GEMIN5: variants seen among roughly 807,000 people sequenced by gnomAD.
GEMIN5 encodes the protein gem-associated protein 5.
Under a neutral mutation model 176.9 loss-of-function variants are expected in GEMIN5, and 124 were observed. The observed-to-expected ratio is 0.70, with a 90% CI of 0.61 to 0.81. The LOEUF (loss-of-function observed/expected upper bound fraction) is 0.81. GEMIN5 is among the 40% of genes least tolerant of loss of function. The probability of loss-of-function intolerance (pLI) is 0.00; values close to 1 mark genes in which losing one functional copy is unlikely to be tolerated. For missense variants in GEMIN5, 1,843 were observed against 1,814.6 expected (o/e 1.02, Z -0.28); for synonymous variants, 673 against 665.2 (o/e 1.01, Z -0.18).
intron 15 of GEMIN5, among the ~76,000 whole-genome samples, 159 bp downstream of exon 15, chr5:154,911,568 T>G (rs749415709): frequency 3.0e-4 from 45 of 152,158 alleles, no homozygotes; most frequent in East Asian, 5.8e-4. Flanking sequence ...GTGGGTGGTG[T>G]TGTTCTCAAG....
At position 154,928,536 on chromosome 5, in the gene GEMIN5, C is replaced by G; in HGVS notation, c.905G>C (p.Ser302Thr). 6.2e-7 allele frequency: 1 copy of G among 1,614,124 alleles called. No homozygotes were observed. Among genetic ancestry groups the G allele is most frequent in the South Asian group, 1.1e-5 (1 of 91,068 alleles). ...PSNQPTQLVS[S>T]CFGGELLQWD... The stretch of plus-strand genomic sequence containing the variant: ...ACCAAAAAAGACTTACCCAAAACAG[C>G]TAGATACCAGCTGTGTTGGTTGATT... Residue 302 changes from serine (S) to threonine (T), a missense_variant, in exon 6 of 28, where the codon AGC becomes ACC. Physicochemically the swap from Ser to Thr is moderately conservative, Grantham distance 58. Coordinates refer to ENST00000285873, the MANE Select transcript of GEMIN5 (RefSeq NM_015465.5).
intron 2 of GEMIN5, among the ~76,000 whole-genome samples, chr5:154,936,687 T>C (rs1764276335): frequency 6.6e-6 from 1 of 152,150 alleles, no homozygotes; most frequent in South Asian, 2.1e-4. Context: ...AACCAGAGGG[T>C]AATTGTTTTA....
Position 154,907,805 on chromosome 5 carries a change from A to G in GEMIN5, c.2181T>C (p.Ile727=). 6.2e-7 allele frequency: 1 copy of G among 1,612,868 alleles called. No individual in the cohort carries two copies. The highest frequency in any genetic ancestry group is 1.1e-5 in the South Asian group (1 of 90,958). ...HSRPPQGKKS[I]ELEKKRLSQP... ...GAGAGAGCCGTTTTTTCTCCAATTC[A>G]ATACTTTTTTTGCCTACAAGAATCA... The change falls in exon 16 of 28, where the codon ATT becomes ATC. Residue 727 remains isoleucine (I), a synonymous_variant. Transcript: ENST00000285873.
intron 10 of GEMIN5, 82 bp from the exon 11 acceptor site, chr5:154,920,185 A>AG: frequency 1.9e-6 from 2 of 1,038,814 alleles, no homozygotes; most frequent in Non-Finnish European, 2.8e-6. Flanking sequence ...ACCATACCAT[A>AG]CTACATAGTT....
At chr5:154,902,440 G>C in intron 20 of GEMIN5, 99 bp downstream of exon 20, 1 of 1,074,160 alleles carries the variant, frequency 9.3e-7, no homozygotes, top group East Asian at 2.4e-5. Context: ...ATTTGTAAGT[G>C]ATTTCAAGCT....
chr5:154,921,400 G>A lies in GEMIN5; in HGVS notation c.1405C>T (p.His469Tyr), dbSNP rs752083957. 4 of 1,483,356 alleles carry A rather than the reference G, an allele frequency of 2.7e-6. No homozygotes were observed. Among genetic ancestry groups the A allele is most frequent in the Non-Finnish European group, 3.7e-6 (4 of 1,081,766 alleles). The allele number at this position is 1,483,356 out of a possible 1,614,324, so 91.9% of individuals were successfully genotyped here. A position where few individuals can be genotyped will look rare whatever the true frequency, so the allele number is the denominator to read the frequency against. ...GCTAAAGTATATACAGTCTTCTTAT[G>A]ATATGTGCTAGAAATCTGTGGAGGC... ...NKPPQISSTY[H>Y]KKTVYTLAWG... is the part of the protein sequence containing the mutation. The change falls in exon 10 of 28, where the codon CAT (histidine) becomes TAT (tyrosine). Residue 469 changes from histidine (H) to tyrosine (Y), a missense_variant. His to Tyr is a moderately conservative substitution (Grantham distance 83). Transcript: ENST00000285873.
chr5:154,890,709 T>A (rs1321774082), intron 26 of GEMIN5, among the ~76,000 whole-genome samples: 5 of 152,168 alleles, frequency 3.3e-5, no homozygotes, highest in African/African-American at 9.7e-5. Flanking sequence ...CCTCAAGTGA[T>A]CCTCCTGCCT....
Position 154,923,017 on chromosome 5 carries a change from A to G in GEMIN5, c.1379+1452T>C, listed in dbSNP as rs538903318. ...GGCCTTAAAATAGTGTTCTTTTTTG[A>G]GAGTTAAAAAAGGAGAATAGTCAAC... On this transcript the variant is annotated intron_variant, in intron 9 of 27. Transcript: ENST00000285873. 6.6e-5 allele frequency among the ~76,000 whole-genome samples: 10 copies of G among 152,120 alleles called. No homozygotes were observed. In the South Asian group the frequency reaches 2.1e-3, roughly 32 times the overall value.
At chr5:154,930,949 A>C (rs1253247556) in intron 5 of GEMIN5, among the ~76,000 whole-genome samples, 1 of 152,238 alleles carries the variant, frequency 6.6e-6, no homozygotes, top group African/African-American at 2.4e-5. Context: ...CATTATGCCT[A>C]GAGTTTCTCT....
chr5:154,904,398 G>T, intron 18 of GEMIN5, 109 bp downstream of exon 18: 1 of 998,752 alleles, frequency 1.0e-6, no homozygotes, highest in Non-Finnish European at 1.5e-6. Context: ...TAAAAATACA[G>T]AAAACAATTT....
intron 3 of GEMIN5, among the ~76,000 whole-genome samples, chr5:154,933,484 CA>C (rs976130645): frequency 6.6e-6 from 1 of 151,948 alleles, no homozygotes; most frequent in South Asian, 2.1e-4. Context: ...TTTTTTACAA[CA>C]AAAAAATGCT....
At chr5:154,907,995 A>T (rs1394585246) in intron 15 of GEMIN5, among the ~76,000 whole-genome samples, 177 bp from the exon 16 acceptor site, 1 of 152,106 alleles carries the variant, frequency 6.6e-6, no homozygotes, top group Non-Finnish European at 1.5e-5. Flanking sequence ...TTGAAATTTC[A>T]TTAAATCATA....
At chr5:154,931,094 C>T (rs1347043752) in intron 5 of GEMIN5, among the ~76,000 whole-genome samples, 1 of 152,208 alleles carries the variant, frequency 6.6e-6, no homozygotes, top group African/African-American at 2.4e-5. Context: ...ATTTATTCTG[C>T]ATTTGTGCAT....
rs372628034 is a variant in GEMIN5, at chr5:154,906,164, T to A, written c.2396-688A>T. On this transcript the variant is annotated intron_variant, in intron 16 of 27. Transcript: ENST00000285873. ...AGGCACAAGCCATTATCTTGGTAAT[T>A]TTTATATTTTTTGCAAAGATGGGGG... Among the ~76,000 whole-genome samples the A allele has an allele frequency of 7.2e-5, 11 of 152,028 alleles. No individual in the cohort carries two copies. The South Asian group carries it at 2.3e-3, about 32-fold the overall frequency.
chr5:154,908,370 G>C (rs369689700), intron 15 of GEMIN5, among the ~76,000 whole-genome samples: 1 of 151,688 alleles, frequency 6.6e-6, no homozygotes, highest in Non-Finnish European at 1.5e-5. Context: ...CAGTAGAGAC[G>C]GGGTTTCACC....
chr5:154,894,191 C>T (rs748522675), intron 24 of GEMIN5, among the ~76,000 whole-genome samples: 8 of 152,126 alleles, frequency 5.3e-5, no homozygotes, highest in African/African-American at 1.2e-4. Context: ...GCGATCCACC[C>T]GCGTTGGCCT....
Position 154,891,055 on chromosome 5 carries a change from C to CTTT in GEMIN5, c.4262+183_4262+185dup, listed in dbSNP as rs548747613. Among the ~76,000 whole-genome samples, 343 of 93,938 alleles carry CTTT rather than the reference C, an allele frequency of 3.7e-3. 11 individuals are homozygous for CTTT. The highest frequency in any genetic ancestry group is 4.1e-3 in the African/African-American group (93 of 22,522). 61.6% of individuals were successfully genotyped at this position (93,938 alleles called of 152,430 possible). A position where few individuals can be genotyped will look rare whatever the true frequency, so the allele number is the denominator to read the frequency against. ...ACAAGCGTGATCCACTGTGCCCGGGCTTTTTTTTTTTTTTTTTTTTTGTAG... is the reference window on the plus strand; with the variant it reads ...ACAAGCGTGATCCACTGTGCCCGGGCTTTTTTTTTTTTTTTTTTTTTTTTGTAG... On this transcript the variant is annotated intron_variant, in intron 26 of 27. Coordinates refer to ENST00000285873, the MANE Select transcript of GEMIN5 (RefSeq NM_015465.5).
chr5:154,923,369 A>G (rs1411442624), intron 9 of GEMIN5, among the ~76,000 whole-genome samples: 1 of 152,074 alleles, frequency 6.6e-6, no homozygotes, highest in East Asian at 1.9e-4. Context: ...AAGAAGAGCG[A>G]AACTCTGTCT....
rs540454922 is a variant in GEMIN5 at position 154,902,781 on chromosome 5, T to C, written c.2729-105A>G. The C allele has an allele frequency of 5.9e-6, 7 of 1,184,890 alleles. No individual in the cohort carries two copies. In the East Asian group the frequency reaches 1.4e-4, roughly 24 times the overall value. 73.4% of individuals were successfully genotyped at this position (1,184,890 alleles called of 1,614,324 possible). ...GAAGAGAAAGTGAGCTCCTAAAATA[T>C]GCAGTCATTCTCTGATGGGTGTCAC... On this transcript the variant is annotated intron_variant, in intron 19 of 27. Transcript: ENST00000285873.
Sources: allele counts gnomAD v4.1 joint callset (sites outside exome capture counted in the v4.1 genomes callset), GRCh38; gene constraint gnomAD v4.1.1; transcripts MANE v1.5; gene names NCBI Gene and HGNC (gene_info 2026-07-23, HGNC 2026-07-21).